Variants in WWOX observed in about 807,000 individuals in gnomAD.
WWOX encodes the protein WW domain-containing oxidoreductase.
Under a neutral mutation model 46.2 loss-of-function variants are expected in WWOX, and 69 were observed. That is an observed-to-expected ratio of 1.49 (90% confidence interval 1.23 to 1.82). The LOEUF is 1.82. WWOX is among the 40% of genes most tolerant of loss of function. The pLI, the probability that WWOX is intolerant of heterozygous loss-of-function variation, is 0.00. For missense variants in WWOX, 919 were observed against 542.6 expected, an observed-to-expected ratio of 1.69 and a Z score of -6.89; for synonymous variants, 359 against 202.6, an observed-to-expected ratio of 1.77 and a Z score of -6.56.
At chr16:78,122,663 G>A (rs1484952369) in intron 4 of WWOX, among the ~76,000 whole-genome samples, 1 of 149,926 alleles carries the variant, frequency 6.7e-6, no homozygotes, top group Admixed American at 6.6e-5. Flanking sequence ...GTAGTGCAGT[G>A]GCGTGATCTC....
intron 8 of WWOX, among the ~76,000 whole-genome samples, chr16:78,858,884 G>A (rs974496556): frequency 2.0e-5 from 3 of 150,236 alleles, no homozygotes; most frequent in African/African-American, 4.9e-5. Context: ...TCACCATGTT[G>A]CCCAGGCTGG....
chr16:78,597,697 T>A (rs2151612040), intron 8 of WWOX, among the ~76,000 whole-genome samples: 1 of 151,982 alleles, frequency 6.6e-6, no homozygotes, highest in South Asian at 2.1e-4. Context: ...TGATCTTCTA[T>A]AACATAAGTT....
chr16:78,969,615 T>C (rs2046431660), intron 8 of WWOX, among the ~76,000 whole-genome samples: 1 of 152,228 alleles, frequency 6.6e-6, no homozygotes, highest in African/African-American at 2.4e-5. Context: ...TGTTGCATAT[T>C]TTTGTATTTC....
chr16:78,549,744 T>C (rs2044131680), intron 8 of WWOX, among the ~76,000 whole-genome samples: 3 of 152,194 alleles, frequency 2.0e-5, no homozygotes. Context: ...GGCTTAATCC[T>C]ACAGTTTAGA....
At chr16:78,788,481 G>A (rs537718178) in intron 8 of WWOX, among the ~76,000 whole-genome samples, 1 of 152,136 alleles carries the variant, frequency 6.6e-6, no homozygotes, top group African/African-American at 2.4e-5. Flanking sequence ...AAGGAATGCT[G>A]ACCTCATGAA....
chr16:78,607,451 G>T (rs889305774), intron 8 of WWOX, among the ~76,000 whole-genome samples: 1 of 152,078 alleles, frequency 6.6e-6, no homozygotes, highest in African/African-American at 2.4e-5. Context: ...AGCACAAATT[G>T]TTTCAAAAAT....
intron 8 of WWOX, among the ~76,000 whole-genome samples, chr16:78,590,182 TA>T (rs371970103): frequency 7.0e-6 from 1 of 142,306 alleles, no homozygotes; most frequent in Admixed American, 6.8e-5. Context: ...TAGATAGAAA[TA>T]AAAAAATTAT....
At chr16:78,295,577 G>T (rs1251801514) in intron 5 of WWOX, among the ~76,000 whole-genome samples, 1 of 152,158 alleles carries the variant, frequency 6.6e-6, no homozygotes, top group East Asian at 1.9e-4. Flanking sequence ...CGGACATGAT[G>T]GCAAGTGCCT....
chr16:78,441,720 A>G (rs1441482522), intron 8 of WWOX, among the ~76,000 whole-genome samples: 1 of 152,094 alleles, frequency 6.6e-6, no homozygotes, highest in Non-Finnish European at 1.5e-5. Flanking sequence ...TGTTAGAACT[A>G]CCTCATGGGC....
At chr16:79,086,370 C>G (rs976554133) in intron 8 of WWOX, among the ~76,000 whole-genome samples, 5 of 152,172 alleles carry the variant, frequency 3.3e-5, no homozygotes, top group Non-Finnish European at 7.3e-5. Context: ...AAAATGCAAG[C>G]TTTGAGATGA....
At chr16:78,358,547 A>G (rs1353522759) in intron 5 of WWOX, among the ~76,000 whole-genome samples, 1 of 152,116 alleles carries the variant, frequency 6.6e-6, no homozygotes, top group Admixed American at 6.6e-5. Context: ...AATCCCAGCT[A>G]CTCAGGAAGC....
intron 6 of WWOX, among the ~76,000 whole-genome samples, chr16:78,391,934 A>G (rs1039032432): frequency 4.6e-5 from 7 of 151,698 alleles, no homozygotes; most frequent in Non-Finnish European, 7.4e-5. Flanking sequence ...TCTCATAGTT[A>G]ATTTGTTTGA....
At chr16:78,820,049 C>G (rs567893496) in intron 8 of WWOX, among the ~76,000 whole-genome samples, 11 of 152,150 alleles carry the variant, frequency 7.2e-5, no homozygotes, top group Admixed American at 1.3e-4. Context: ...ATTGTTCTTA[C>G]TATTTACCTC....
chr16:79,185,895 G>C (rs532731156), intron 8 of WWOX, among the ~76,000 whole-genome samples: 1 of 152,178 alleles, frequency 6.6e-6, no homozygotes, highest in Admixed American at 6.5e-5. Flanking sequence ...TCTGAGGCCT[G>C]ATATTAGGAA....
chr16:79,201,309 C>T (rs1319445966), intron 8 of WWOX, among the ~76,000 whole-genome samples: 1 of 151,848 alleles, frequency 6.6e-6, no homozygotes, highest in East Asian at 1.9e-4. Flanking sequence ...CTCTCCCTTC[C>T]CTAGCTGAAT....
chr16:78,894,470 A>T (rs1379872197), intron 8 of WWOX, among the ~76,000 whole-genome samples: 1 of 152,242 alleles, frequency 6.6e-6, no homozygotes, highest in Admixed American at 6.5e-5. Context: ...GTTTGTAGTC[A>T]GCCTCTCTAC....
At chr16:79,011,973 A>G (rs1315149137) in intron 8 of WWOX, among the ~76,000 whole-genome samples, 2 of 152,086 alleles carry the variant, frequency 1.3e-5, no homozygotes, top group Non-Finnish European at 2.9e-5. Flanking sequence ...TTCCTTATCT[A>G]GAACTATCTT....
chr16:78,874,010 C>T (rs1003489468), intron 8 of WWOX, among the ~76,000 whole-genome samples: 1 of 151,830 alleles, frequency 6.6e-6, no homozygotes, highest in Non-Finnish European at 1.5e-5. Context: ...GCCTGTAATC[C>T]CAGCACTTTG....
At chr16:78,902,630 C>G (rs13338111) in intron 8 of WWOX, among the ~76,000 whole-genome samples, 21,689 of 152,246 alleles carry the variant, frequency 0.14, 3,053 homozygotes, top group African/African-American at 0.36. Context: ...TTGGCTGCAA[C>G]GCTTTTACCA....
Sources: gnomAD v4.1 joint callset for allele counts (sites outside exome capture counted in the v4.1 genomes callset) on GRCh38, gnomAD v4.1.1 for gene constraint, MANE v1.5 for transcripts, NCBI Gene and HGNC (gene_info 2026-07-23, HGNC 2026-07-21) for gene names.